PFKFB3: variants seen among roughly 807,000 people sequenced by gnomAD.
PFKFB3 encodes 6-phosphofructo-2-kinase/fructose-2,6-biphosphatase 3, also known as 6-phosphofructo-2-kinase/fructose-2,6-bisphosphatase 3.
In PFKFB3, 33 loss-of-function variants were observed where a neutral mutation model predicts 68.0. The observed-to-expected ratio is 0.49, with a 90% CI of 0.37 to 0.65. The LOEUF is 0.65. Ranked by LOEUF, PFKFB3 falls within the 30% of genes least tolerant of loss-of-function variation. The pLI, the probability that PFKFB3 is intolerant of heterozygous loss-of-function variation, is 0.00. For synonymous variants in PFKFB3, 315 were observed against 288.2 expected, an observed-to-expected ratio of 1.09 and a Z score of -0.94; for missense variants, 586 against 712.2, an observed-to-expected ratio of 0.82 and a Z score of 2.02.
the PFKFB3 span, among the ~76,000 whole-genome samples, chr10:6,311,309 G>A: frequency 6.6e-6 from 1 of 152,164 alleles, no homozygotes; most frequent in Non-Finnish European, 1.5e-5. Flanking sequence ...GGGCCGCCAT[G>A]GAAAATCACC....
chr10:6,317,927 C>G, the PFKFB3 span, among the ~76,000 whole-genome samples: 1 of 152,184 alleles, frequency 6.6e-6, no homozygotes. Flanking sequence ...GATATAGCAT[C>G]TTTGGGAAGC....
the PFKFB3 span, among the ~76,000 whole-genome samples, chr10:6,295,990 C>T: frequency 6.6e-6 from 1 of 152,152 alleles, no homozygotes; most frequent in Non-Finnish European, 1.5e-5. Flanking sequence ...CACACTACAA[C>T]AGATATTGGC....
At chr10:6,146,552 T>TCC (rs148139818) in intron 1 of PFKFB3, 29 of 1,461,008 alleles carry the variant, frequency 2.0e-5, no homozygotes, top group Admixed American at 1.6e-4. Context: ...AGAGTGTCCC[T>TCC]CCCCCCCTAC....
intron 1 of PFKFB3, among the ~76,000 whole-genome samples, chr10:6,158,005 G>T (rs1841858064): frequency 6.6e-6 from 1 of 151,414 alleles, no homozygotes; most frequent in Non-Finnish European, 1.5e-5. Context: ...AGGCAGTGTG[G>T]CTGGGCGCGG....
upstream of PFKFB3, among the ~76,000 whole-genome samples, chr10:6,201,909 G>A (rs1017094677): frequency 4.6e-5 from 7 of 152,206 alleles, no homozygotes; most frequent in African/African-American, 1.7e-4. This position sits in a 1 kb window ranked among gnomAD's most constrained non-coding sequence, Gnocchi z 4.1. Context: ...GCGAGCTGGT[G>A]CAAACTGCGA....
the PFKFB3 span, among the ~76,000 whole-genome samples, chr10:6,316,631 C>T: frequency 5.9e-5 from 9 of 152,164 alleles, no homozygotes; most frequent in African/African-American, 1.7e-4. Context: ...GCATGCACCA[C>T]CACACCTGGC....
Position 6,229,441 on chromosome 10 carries a change from C to G in PFKFB3, c.1515+3076C>G, listed in dbSNP as rs1444488350. On this transcript the variant is annotated intron_variant, in intron 14 of 14. Transcript: ENST00000379775. The surrounding 1 kb of genome is among the most constrained non-coding windows in gnomAD (Gnocchi z 4.3). ...CTGGGAGTGGGCTGGGTGCCCGTTC[C>G]CTGCTGCTGTCCTGAGGCCCCTGCC... 6.6e-6 allele frequency among the ~76,000 whole-genome samples: 1 copy of G among 152,224 alleles called. No individual in the cohort carries two copies. The highest frequency in any genetic ancestry group is 1.5e-5 in the Non-Finnish European group (1 of 68,036).
At position 6,241,846 on chromosome 10, in the gene PFKFB3, T is replaced by C. The variant is rs1329048952; in HGVS notation, c.1516-12332T>C. ...TTTTTAATTTTTTTTTGCTTTCTTTTCTTTTTTTTTTTTTAAGAGATGGGG... is the reference window on the plus strand; with the variant it reads ...TTTTTAATTTTTTTTTGCTTTCTTTCCTTTTTTTTTTTTTAAGAGATGGGG... On this transcript the variant is annotated intron_variant, in intron 14 of 14. Transcript: ENST00000640683. 1.3e-4 allele frequency among the ~76,000 whole-genome samples: 20 copies of C among 151,226 alleles called. 1 individual carries two copies. Among genetic ancestry groups the C allele is most frequent in the Admixed American group, 7.9e-4 (12 of 15,196 alleles).
chr10:6,279,946 C>G, the PFKFB3 span, among the ~76,000 whole-genome samples: 1 of 86,690 alleles, frequency 1.2e-5, no homozygotes, highest in African/African-American at 3.8e-5. Flanking sequence ...TCTTGGAAGA[C>G]TCAGAGCTTT....
At position 6,224,172 on chromosome 10, in the gene PFKFB3, C is replaced by G. The variant is rs760356335; in HGVS notation, c.1300C>G (p.Leu434Val). ...AYGCRVESIY[L>V]NVESVCTHRE... ...AGGCTGCCGTGTGGAATCCATCTAC[C>G]TGAACGTGGAGTCCGTCTGCACACA... Residue 434 changes from leucine (L) to valine (V), a missense_variant, in exon 13 of 15, where the codon CTG becomes GTG. Physicochemically the swap from Leu to Val is conservative, Grantham distance 32. Transcript: ENST00000379775. The G allele has an allele frequency of 6.2e-7, 1 of 1,614,220 alleles. No individual in the cohort carries two copies. Among genetic ancestry groups the G allele is most frequent in the Admixed American group, 1.7e-5 (1 of 60,032 alleles).
intron 1 of PFKFB3, among the ~76,000 whole-genome samples, chr10:6,165,269 G>C (rs1842096960): frequency 6.6e-6 from 1 of 152,222 alleles, no homozygotes; most frequent in East Asian, 1.9e-4. Context: ...ATCCTGCACG[G>C]CCCTGAATCC....
intron 1 of PFKFB3, among the ~76,000 whole-genome samples, chr10:6,193,357 AAAAAC>A (rs966196551): frequency 2.6e-5 from 4 of 152,254 alleles, no homozygotes; most frequent in Admixed American, 6.5e-5. Flanking sequence ...CCTGTCTCAA[AAAAAC>A]AAAACAAAAC....
At chr10:6,281,678 TAAA>T in the PFKFB3 span, among the ~76,000 whole-genome samples, 1 of 152,086 alleles carries the variant, frequency 6.6e-6, no homozygotes, top group Non-Finnish European at 1.5e-5. Flanking sequence ...ATGCTTTTTT[TAAA>T]AAAAGTTATA....
the PFKFB3 span, among the ~76,000 whole-genome samples, chr10:6,313,877 C>T: frequency 6.6e-6 from 1 of 152,214 alleles, no homozygotes; most frequent in Non-Finnish European, 1.5e-5. The surrounding 1 kb of genome is among the most constrained non-coding windows in gnomAD (Gnocchi z 4.2). Context: ...GTCAGCTCAG[C>T]GGCTAACACC....
the PFKFB3 span, chr10:6,277,805 C>G: frequency 2.5e-6 from 1 of 403,198 alleles, no homozygotes; most frequent in Non-Finnish European, 5.0e-6. Context: ...TACCCAGTCT[C>G]AGGTATTTCT....
chr10:6,277,961 A>G, the PFKFB3 span, among the ~76,000 whole-genome samples: 2 of 151,714 alleles, frequency 1.3e-5, no homozygotes, highest in African/African-American at 4.8e-5. Context: ...TCTGTCATCA[A>G]GCTGGAGTGC....
intron 1 of PFKFB3, among the ~76,000 whole-genome samples, chr10:6,170,343 A>G (rs970803909): frequency 6.6e-6 from 1 of 152,206 alleles, no homozygotes; most frequent in Non-Finnish European, 1.5e-5. Flanking sequence ...CCCACCTTCT[A>G]GACTCACTCG....
chr10:6,323,691 G>A, the PFKFB3 span, among the ~76,000 whole-genome samples: 2 of 152,178 alleles, frequency 1.3e-5, no homozygotes, highest in South Asian at 4.1e-4. Context: ...TCTCCAATAC[G>A]ATGAAAAGAC....
chr10:6,185,664 G>A (rs929488402), intron 1 of PFKFB3, among the ~76,000 whole-genome samples: 7 of 123,596 alleles, frequency 5.7e-5, no homozygotes, highest in Non-Finnish European at 1.2e-4. Context: ...TTTTGAGATG[G>A]AGTTTCACTT....
Sources: gnomAD v4.1 joint callset for allele counts (sites outside exome capture counted in the v4.1 genomes callset) on GRCh38, gnomAD v4.1.1 for gene constraint, Gnocchi (gnomAD v3.1) non-coding constraint, MANE v1.5 for transcripts, NCBI Gene and HGNC (gene_info 2026-07-23, HGNC 2026-07-21) for gene names.